ITSN1: variants seen among roughly 807,000 people sequenced by gnomAD.
The protein encoded by ITSN1 is intersectin 1, also known as intersectin-1.
ITSN1 carries 58 observed loss-of-function variants against 239.8 expected under a neutral mutation model. The ratio of observed to expected loss-of-function variants is 0.24; its 90% CI spans 0.20 to 0.30. ITSN1 has a LOEUF of 0.30. Among genes scored for constraint, ITSN1 ranks in the 10% least tolerant of loss-of-function variants. ITSN1 has a pLI of 1.00. For synonymous variants in ITSN1, 780 were observed against 770.8 expected (o/e 1.01, Z -0.20); for missense variants, 1,558 against 2,103.3 (o/e 0.74, Z 5.07).
chr21:33,760,959 A>G (rs576565557), intron 8 of ITSN1, among the ~76,000 whole-genome samples: 1 of 152,082 alleles, frequency 6.6e-6, no homozygotes, highest in East Asian at 1.9e-4. Context: ...CTTTCATACC[A>G]GAAGTGAAGA....
chr21:33,721,528 G>T (rs1244083412), intron 3 of ITSN1, among the ~76,000 whole-genome samples: 1 of 152,094 alleles, frequency 6.6e-6, no homozygotes, highest in Non-Finnish European at 1.5e-5. Context: ...AGGACCAATG[G>T]CTCACACCTG....
chr21:33,800,992 T>C (rs2071960987), intron 19 of ITSN1, among the ~76,000 whole-genome samples: 1 of 151,588 alleles, frequency 6.6e-6, no homozygotes, highest in African/African-American at 2.4e-5. Context: ...CACCTCATCC[T>C]CCCAACTAGC....
At position 33,858,671 on chromosome 21, in the gene ITSN1, T is replaced by C; in HGVS notation, c.3784-15T>C. The C allele has an allele frequency of 6.4e-7, 1 of 1,551,666 alleles. No individual in the cohort carries two copies. Among genetic ancestry groups the C allele is most frequent in the South Asian group, 1.1e-5 (1 of 89,544 alleles). The stretch of plus-strand genomic sequence containing the variant: ...CTAACTGCTTTCTGAACTGCTTCGT[T>C]TTCTGCATCTGTAGATTTTTCAAAA... On this transcript the variant is annotated splice_polypyrimidine_tract_variant and intron_variant, in intron 30 of 39. Coordinates refer to ENST00000381318, the MANE Select transcript of ITSN1 (RefSeq NM_003024.3).
chr21:33,763,307 T>C (rs2068495439), intron 9 of ITSN1, among the ~76,000 whole-genome samples: 1 of 150,888 alleles, frequency 6.6e-6, no homozygotes, highest in South Asian at 2.1e-4. Context: ...ATGGCTTAAC[T>C]TTTGAAGAGT....
intron 29 of ITSN1, among the ~76,000 whole-genome samples, chr21:33,840,755 C>T (rs1430995508): frequency 1.3e-5 from 2 of 152,236 alleles, no homozygotes; most frequent in Non-Finnish European, 2.9e-5. Flanking sequence ...ACCTCGGCCT[C>T]CCAAAGTGCT....
At chr21:33,820,512 G>A (rs1385947092) in intron 24 of ITSN1, among the ~76,000 whole-genome samples, 1 of 152,154 alleles carries the variant, frequency 6.6e-6, no homozygotes, top group Non-Finnish European at 1.5e-5. Context: ...TAGAAACCTT[G>A]CCCAGTGAAA....
intron 10 of ITSN1, among the ~76,000 whole-genome samples, chr21:33,766,895 C>T (rs1190450661): frequency 6.6e-6 from 1 of 152,158 alleles, no homozygotes; most frequent in African/African-American, 2.4e-5. Flanking sequence ...GAGGGTGGTG[C>T]GGTGGCTCAC....
intron 1 of ITSN1, among the ~76,000 whole-genome samples, chr21:33,702,555 G>A (rs1437807593): frequency 1.3e-5 from 2 of 152,060 alleles, no homozygotes; most frequent in Admixed American, 6.6e-5. Context: ...TAATACTTTA[G>A]ACATTTTATT....
chr21:33,713,035 G>A (rs539032125), intron 1 of ITSN1, among the ~76,000 whole-genome samples: 86 of 151,844 alleles, frequency 5.7e-4, no homozygotes, highest in Non-Finnish European at 9.9e-4. Context: ...CCACCACCAC[G>A]CCCATCTAAT....
At chr21:33,885,695 T>C (rs1254569986) in intron 38 of ITSN1, among the ~76,000 whole-genome samples, 173 bp downstream of exon 38, 1 of 152,182 alleles carries the variant, frequency 6.6e-6, no homozygotes, top group Non-Finnish European at 1.5e-5. Flanking sequence ...TGTTTTTTTT[T>C]CCATCCTTTC....
chr21:33,740,798 C>G (rs2066799391), intron 5 of ITSN1, among the ~76,000 whole-genome samples: 1 of 152,140 alleles, frequency 6.6e-6, no homozygotes, highest in African/African-American at 2.4e-5. Context: ...GGCACGGTGG[C>G]TCATGCCTGT....
At chr21:33,831,288 G>A (rs191447108) in intron 27 of ITSN1, among the ~76,000 whole-genome samples, 2 of 152,212 alleles carry the variant, frequency 1.3e-5, no homozygotes, top group Admixed American at 6.5e-5. Context: ...GCAGCCGTCC[G>A]TCTCTCTGGC....
At chr21:33,711,661 TGTG>T (rs2092421995) in intron 1 of ITSN1, among the ~76,000 whole-genome samples, 1 of 130,642 alleles carries the variant, frequency 7.7e-6, no homozygotes, top group Non-Finnish European at 1.6e-5. Flanking sequence ...GTTGTGTGTG[TGTG>T]TGTGTGTGTG....
intron 1 of ITSN1, among the ~76,000 whole-genome samples, chr21:33,678,100 T>G (rs1224667139): frequency 6.6e-6 from 1 of 152,226 alleles, no homozygotes; most frequent in East Asian, 1.9e-4. Context: ...CTTCTCCAGT[T>G]TCTTCCTTCT....
chr21:33,834,045 T>A (rs1000592879), intron 27 of ITSN1, among the ~76,000 whole-genome samples: 1 of 152,104 alleles, frequency 6.6e-6, no homozygotes, highest in East Asian at 1.9e-4. Flanking sequence ...TCCCAGGCAA[T>A]CCATGGTATA....
intron 1 of ITSN1, among the ~76,000 whole-genome samples, chr21:33,677,049 T>C (rs1697181502): frequency 6.6e-6 from 1 of 151,816 alleles, no homozygotes; most frequent in Non-Finnish European, 1.5e-5. Flanking sequence ...GAGATAAACC[T>C]AATGTAAATG....
At chr21:33,866,365 A>AC (rs569616605) in intron 32 of ITSN1, among the ~76,000 whole-genome samples, 4 of 152,198 alleles carry the variant, frequency 2.6e-5, no homozygotes, top group Non-Finnish European at 5.9e-5. Flanking sequence ...GCCATGGACC[A>AC]CCTAGGGTTT....
At chr21:33,880,894 G>A (rs1984788856) in intron 34 of ITSN1, among the ~76,000 whole-genome samples, 1 of 152,004 alleles carries the variant, frequency 6.6e-6, no homozygotes, top group Non-Finnish European at 1.5e-5. Flanking sequence ...GGCCTCTGTG[G>A]GATCATCTCC....
chr21:33,681,234 G>A (rs918621480), intron 1 of ITSN1, among the ~76,000 whole-genome samples: 3 of 152,162 alleles, frequency 2.0e-5, no homozygotes, highest in Non-Finnish European at 1.5e-5. Flanking sequence ...GGTTTCCTAG[G>A]TTTTTTGAGG....
Sources: gnomAD v4.1 joint callset for allele counts (sites outside exome capture counted in the v4.1 genomes callset) on GRCh38, gnomAD v4.1.1 for gene constraint, MANE v1.5 for transcripts, NCBI Gene and HGNC (gene_info 2026-07-23, HGNC 2026-07-21) for gene names.